TNRC6A: variants seen among roughly 807,000 people sequenced by gnomAD.
The protein encoded by TNRC6A is trinucleotide repeat containing adaptor 6A.
TNRC6A carries 44 observed loss-of-function variants against 221.2 expected under a neutral mutation model. The ratio of observed to expected loss-of-function variants is 0.20; its 90% CI spans 0.16 to 0.26. The LOEUF is 0.26. Ranked by LOEUF, TNRC6A falls within the 10% of genes least tolerant of loss-of-function variation. The pLI is 1.00. For missense variants in TNRC6A, 2,199 were observed against 2,404.4 expected, an observed-to-expected ratio of 0.91 and a Z score of 1.79; for synonymous variants, 847 against 838.5, an observed-to-expected ratio of 1.01 and a Z score of -0.18.
chr16:24,669,855 T>C lies in TNRC6A; in HGVS notation n.402+28846T>C, dbSNP rs539357623. Among the ~76,000 whole-genome samples, 41 of 151,536 alleles carry C rather than the reference T, an allele frequency of 2.7e-4. No homozygotes were observed. In the South Asian group the frequency reaches 6.1e-3, roughly 22 times the overall value. On this transcript the variant is annotated intron_variant and non_coding_transcript_variant, in intron 2 of 2. Coordinates refer to the TNRC6A transcript ENST00000566108. The stretch of plus-strand genomic sequence containing the variant: ...TATAGTAATAATAGCAACCATTTAC[T>C]GGGTTCATTATATGAGCCAAGTATT...
intron 16 of TNRC6A, 111 bp from the exon 17 acceptor site, chr16:24,806,463 A>T: frequency 7.1e-7 from 1 of 1,414,718 alleles, no homozygotes; most frequent in East Asian, 2.4e-5. Flanking sequence ...TACAGTGATT[A>T]TTCACCTTTC....
chr16:24,728,191 G>A (rs1244877880), upstream of TNRC6A, among the ~76,000 whole-genome samples: 2 of 152,170 alleles, frequency 1.3e-5, no homozygotes, highest in African/African-American at 4.8e-5. Context: ...GCTCACGCCT[G>A]TAATCCCAAC....
chr16:24,747,811 G>A (rs566604462), intron 2 of TNRC6A, among the ~76,000 whole-genome samples: 91 of 152,234 alleles, frequency 6.0e-4, no homozygotes, highest in African/African-American at 2.1e-3. Context: ...AAGTACTAAA[G>A]GGGATATTTT....
intron 2 of TNRC6A, among the ~76,000 whole-genome samples, chr16:24,690,062 C>T (rs1223267007): frequency 1.4e-5 from 2 of 143,306 alleles, no homozygotes; most frequent in Non-Finnish European, 3.0e-5. Flanking sequence ...CATTCTGTCA[C>T]CCAGGCTGGA....
At chr16:24,819,311 T>A (rs1411783900) in intron 21 of TNRC6A, among the ~76,000 whole-genome samples, 1 of 152,204 alleles carries the variant, frequency 6.6e-6, no homozygotes, top group Non-Finnish European at 1.5e-5. Context: ...TGCTGTCCCC[T>A]CATGCTTTTA....
At chr16:24,645,782 G>C (rs1442770913) in intron 2 of TNRC6A, among the ~76,000 whole-genome samples, 1 of 131,622 alleles carries the variant, frequency 7.6e-6, no homozygotes, top group Non-Finnish European at 1.6e-5. Flanking sequence ...AAGATCACTT[G>C]AGCTCAGGAG....
At chr16:24,797,443 A>G in intron 9 of TNRC6A, 47 bp from the exon 10 acceptor site, 2 of 1,440,188 alleles carry the variant, frequency 1.4e-6, no homozygotes, top group Non-Finnish European at 1.9e-6. Context: ...ATACCCAGAT[A>G]AACAGAGATG....
rs1376933454 is a variant in TNRC6A, at chr16:24,805,156, A to G, written c.4122+5A>G. The G allele has an allele frequency of 1.2e-6, 2 of 1,613,932 alleles. No individual in the cohort carries two copies. Among genetic ancestry groups the G allele is most frequent in the Non-Finnish European group, 8.5e-7 (1 of 1,179,886 alleles). On this transcript the variant is annotated splice_donor_5th_base_variant and intron_variant, in intron 14 of 24. Transcript: ENST00000395799. ...CCTCCATTACTCTCCCCTCAGGTAAATAAGCTTTCCTTACATTCTCCTGTT... is the reference window on the plus strand; with the variant it reads ...CCTCCATTACTCTCCCCTCAGGTAAGTAAGCTTTCCTTACATTCTCCTGTT...
chr16:24,719,158 A>C (rs187376464), intron 2 of TNRC6A, among the ~76,000 whole-genome samples: 1 of 152,284 alleles, frequency 6.6e-6, no homozygotes, highest in East Asian at 1.9e-4. Context: ...CTAGAGGTGG[A>C]GATGTACTGA....
rs1188428655 is a variant in TNRC6A at position 24,816,951 on chromosome 16, A to G, written c.4967A>G (p.Asn1656Ser). The G allele has an allele frequency of 6.8e-6, 11 of 1,613,148 alleles. No homozygotes were observed. Among genetic ancestry groups the G allele is most frequent in the Non-Finnish European group, 9.3e-6 (11 of 1,179,736 alleles). Residue 1656 changes from asparagine to serine, a missense_variant, in exon 20 of 25, where the codon AAC (asparagine) becomes AGC (serine). Transcript: ENST00000395799. ...GAAGTTGACCACCTCAGGGACAGGA[A>G]CAGTGGTACGTAGGGGGTGCAAATC... ...VREVDHLRDR[N>S]SGSSSSLNTT... is the part of the protein sequence containing the mutation.
At chr16:24,743,596 C>T (rs1390287101) in intron 2 of TNRC6A, among the ~76,000 whole-genome samples, 1 of 152,186 alleles carries the variant, frequency 6.6e-6, no homozygotes, top group Non-Finnish European at 1.5e-5. Flanking sequence ...GCTAGAATTG[C>T]AGGCATGAGC....
chr16:24,639,255 C>T (rs1009088843), intron 1 of TNRC6A, among the ~76,000 whole-genome samples: 2 of 152,076 alleles, frequency 1.3e-5, no homozygotes, highest in African/African-American at 4.8e-5. Context: ...GAGGCCGAGG[C>T]AGGAGAATTA....
At chr16:24,717,513 T>C (rs1183309697) in intron 2 of TNRC6A, among the ~76,000 whole-genome samples, 1 of 152,188 alleles carries the variant, frequency 6.6e-6, no homozygotes, top group Non-Finnish European at 1.5e-5. Flanking sequence ...GTACCCACTT[T>C]ATCCTCGGTG....
intron 4 of TNRC6A, among the ~76,000 whole-genome samples, chr16:24,758,924 T>C (rs1365496135): frequency 6.6e-6 from 1 of 152,056 alleles, no homozygotes; most frequent in Non-Finnish European, 1.5e-5. Flanking sequence ...CTAATTCCTC[T>C]CAGATCCTGA....
chr16:24,635,162 C>T (rs554199717), intron 1 of TNRC6A, among the ~76,000 whole-genome samples: 249 of 139,880 alleles, frequency 1.8e-3, no homozygotes, highest in African/African-American at 6.3e-3. Flanking sequence ...TCTTTCCTTC[C>T]TTCCTTCCTT....
intron 2 of TNRC6A, among the ~76,000 whole-genome samples, chr16:24,643,078 A>G (rs201033223): frequency 9.4e-4 from 125 of 133,232 alleles, no homozygotes; most frequent in East Asian, 8.9e-3. Context: ...TTATATATAT[A>G]TTATATATAT....
In TNRC6A at chr16:24,734,172, C is replaced by T. The variant is rs72768667; in HGVS notation, c.53+3872C>T. Among the ~76,000 whole-genome samples, 1,240 of 151,656 alleles carry T rather than the reference C, an allele frequency of 8.2e-3. 10 individuals carry two copies. Among genetic ancestry groups the T allele is most frequent in the Middle Eastern group, 0.041 (12 of 294 alleles). ...CCTGGGAAACAGAGTGCAACCCTGTCTCAAAGCAAAAAGAGAGAGAAAGGA... is the reference window on the plus strand; with the variant it reads ...CCTGGGAAACAGAGTGCAACCCTGTTTCAAAGCAAAAAGAGAGAGAAAGGA... On this transcript the variant is annotated intron_variant, in intron 2 of 24. Coordinates refer to ENST00000395799, the MANE Select transcript of TNRC6A (RefSeq NM_014494.4).
At position 24,795,856 on chromosome 16, in the gene TNRC6A, A is replaced by G. The variant is rs561622733; in HGVS notation, c.3529-51A>G. ...TTTAGGTCTTCCAGTTCCAAACCCC[A>G]TGTTCTTCCCACTGGACCATGCTGT... is the stretch of plus-strand genomic sequence containing the variant. On this transcript the variant is annotated intron_variant, in intron 8 of 24. Coordinates refer to ENST00000395799, the MANE Select transcript of TNRC6A (RefSeq NM_014494.4). 7.1e-5 allele frequency: 107 copies of G among 1,503,424 alleles called. 1 individual carries two copies. The highest frequency in any genetic ancestry group is 7.1e-4 in the South Asian group (52 of 73,356). The allele number at this position is 1,503,424 out of a possible 1,614,324, so 93.1% of individuals were successfully genotyped here. A position where few individuals can be genotyped will look rare whatever the true frequency, so the allele number is the denominator to read the frequency against.
At chr16:24,730,163 A>C in intron 1 of TNRC6A, 90 bp from the exon 2 acceptor site, 1 of 1,003,066 alleles carries the variant, frequency 1.0e-6, no homozygotes. Context: ...CCCCGGCGCG[A>C]GCCTCTGCCG....
Sources: allele counts gnomAD v4.1 joint callset (sites outside exome capture counted in the v4.1 genomes callset), GRCh38; gene constraint gnomAD v4.1.1; transcripts MANE v1.5; gene names NCBI Gene and HGNC (gene_info 2026-07-23, HGNC 2026-07-21).